ELFN1: variants seen among roughly 807,000 people sequenced by gnomAD.
ELFN1 encodes the protein protein ELFN1.
A neutral mutation model predicts 7.6 loss-of-function variants in ELFN1; 6 were observed. That is an observed-to-expected ratio of 0.79 (90% CI 0.43 to 1.56). The LOEUF (loss-of-function observed/expected upper bound fraction) is 1.56. Ranked by LOEUF, ELFN1 falls within the 40% of genes most tolerant of loss-of-function variation. The pLI, the probability that ELFN1 is intolerant of heterozygous loss-of-function variation, is 0.01. For missense variants in ELFN1, 1,169 were observed against 1,232.2 expected (o/e 0.95, Z 0.77); for synonymous variants, 657 against 588.1 (o/e 1.12, Z -1.70).
chr7:1,678,329 C>T (rs1778910808), intron 1 of ELFN1, among the ~76,000 whole-genome samples: 1 of 152,214 alleles, frequency 6.6e-6, no homozygotes. Context: ...GGCACCTGAG[C>T]CTCACACCCC....
intron 3 of ELFN1, among the ~76,000 whole-genome samples, chr7:1,736,478 G>A (rs1490146794): frequency 1.3e-5 from 2 of 152,212 alleles, no homozygotes; most frequent in Non-Finnish European, 1.5e-5. Flanking sequence ...AAATTCAGTC[G>A]TAAGAAGTTT....
chr7:1,697,035 T>G (rs1779330454), intron 2 of ELFN1, among the ~76,000 whole-genome samples: 1 of 151,966 alleles, frequency 6.6e-6, no homozygotes, highest in Admixed American at 6.5e-5. Context: ...CAGGCTGGGG[T>G]CCAAGGCCCA....
At chr7:1,726,973 T>G (rs1271666401) in intron 3 of ELFN1, among the ~76,000 whole-genome samples, 1 of 152,040 alleles carries the variant, frequency 6.6e-6, no homozygotes, top group Non-Finnish European at 1.5e-5. Context: ...CCAGGGTGGG[T>G]GGGCTACTTA....
At chr7:1,700,743 G>A (rs943335371) in intron 2 of ELFN1, among the ~76,000 whole-genome samples, 2 of 152,224 alleles carry the variant, frequency 1.3e-5, no homozygotes, top group Non-Finnish European at 2.9e-5. Flanking sequence ...AGTTCCCGTT[G>A]CTCCACATCC....
chr7:1,745,240 A>C lies in ELFN1; in HGVS notation c.644A>C (p.Tyr215Ser). Residue 215 changes from tyrosine to serine, a missense_variant, in exon 4 of 4, where the codon TAC becomes TCC. Coordinates refer to ENST00000424383, the MANE Select transcript of ELFN1 (RefSeq NM_001128636.4). ...GCCTTCACCAACGCCACACAGACGT[A>C]CGACCGCATGCAGTGCGAGTCGCCG... ...LAAFTNATQTYDRMQCESPPV... is the reference protein window; with the variant it reads ...LAAFTNATQTSDRMQCESPPV... 11 of 1,540,858 alleles carry C rather than the reference A, an allele frequency of 7.1e-6. No individual in the cohort carries two copies. The highest frequency in any genetic ancestry group is 9.6e-6 in the Non-Finnish European group (11 of 1,146,888).
rs544433844 is a variant in ELFN1, at chr7:1,744,414, C to A, written c.-183C>A. 2 of 643,624 alleles carry A rather than the reference C, an allele frequency of 3.1e-6. No individual in the cohort carries two copies. The highest frequency in any genetic ancestry group is 2.0e-5 in the African/African-American group (1 of 51,276). The allele number at this position is 643,624 out of a possible 1,614,324, so 39.9% of individuals were successfully genotyped here. ...GGGCGGAAGACGAGAGGCGGCCGGCCGTGAGGGAGGCGCCCTCCCTCCCCG... is the reference window on the plus strand; with the variant it reads ...GGGCGGAAGACGAGAGGCGGCCGGCAGTGAGGGAGGCGCCCTCCCTCCCCG... On this transcript the variant is annotated 5_prime_UTR_variant, in exon 4 of 4. Transcript: ENST00000424383.
intron 2 of ELFN1, among the ~76,000 whole-genome samples, chr7:1,696,494 CCAT>C (rs1171613963): frequency 1.3e-5 from 2 of 151,788 alleles, no homozygotes; most frequent in Non-Finnish European, 2.9e-5. Context: ...TGGGCTCAAG[CCAT>C]CCTCCCACCT....
chr7:1,741,999 C>T (rs191024774), intron 3 of ELFN1, among the ~76,000 whole-genome samples: 38 of 152,308 alleles, frequency 2.5e-4, no homozygotes, highest in African/African-American at 8.9e-4. Context: ...CACACACATA[C>T]GAGGGCTCAC....
chr7:1,675,786 C>T (rs548000828), intron 1 of ELFN1, among the ~76,000 whole-genome samples: 5 of 152,344 alleles, frequency 3.3e-5, no homozygotes, highest in South Asian at 2.1e-4. Flanking sequence ...CACAGTCCCG[C>T]GCTGTCGAGA....
intron 3 of ELFN1, among the ~76,000 whole-genome samples, chr7:1,738,189 T>C (rs1780504540): frequency 6.6e-6 from 1 of 152,098 alleles, no homozygotes; most frequent in African/African-American, 2.4e-5. Flanking sequence ...CGTGGTCCCA[T>C]GTCCCATGGC....
intron 3 of ELFN1, among the ~76,000 whole-genome samples, chr7:1,724,416 C>T (rs1431530267): frequency 6.6e-6 from 1 of 152,198 alleles, no homozygotes; most frequent in Non-Finnish European, 1.5e-5. Flanking sequence ...GCCGTGCGGC[C>T]CCACCTCCCT....
chr7:1,716,915 C>T (rs1034874651), intron 3 of ELFN1, among the ~76,000 whole-genome samples: 9 of 152,222 alleles, frequency 5.9e-5, no homozygotes, highest in East Asian at 1.9e-4. Context: ...CGCAGGCAGC[C>T]GGCATGGGGC....
chr7:1,669,633 G>A (rs1195149540), upstream of ELFN1, among the ~76,000 whole-genome samples: 1 of 152,248 alleles, frequency 6.6e-6, no homozygotes, highest in African/African-American at 2.4e-5. Context: ...GAGCCGAAGA[G>A]TGCTCCAGAA....
intron 3 of ELFN1, among the ~76,000 whole-genome samples, chr7:1,733,138 T>C (rs1454141558): frequency 6.6e-6 from 1 of 152,188 alleles, no homozygotes; most frequent in Admixed American, 6.5e-5. Flanking sequence ...TGGCCACAAG[T>C]GATCCACCCA....
intron 3 of ELFN1, among the ~76,000 whole-genome samples, chr7:1,724,185 C>A (rs1222314507): frequency 6.6e-6 from 1 of 152,210 alleles, no homozygotes; most frequent in Admixed American, 6.5e-5. Context: ...GAGTTTCTAG[C>A]ACAGTGCCTG....
At chr7:1,681,075 A>G (rs867764680) in intron 1 of ELFN1, among the ~76,000 whole-genome samples, 1 of 152,114 alleles carries the variant, frequency 6.6e-6, no homozygotes, top group Non-Finnish European at 1.5e-5. Context: ...TTTCACATCA[A>G]TGGGATCCTG....
At position 1,740,123 on chromosome 7, in the gene ELFN1, G is replaced by T. The variant is rs1780566910; in HGVS notation, c.-293-4181G>T. Among the ~76,000 whole-genome samples the T allele has an allele frequency of 6.6e-6, 1 of 152,186 alleles. No individual in the cohort carries two copies. The highest frequency in any genetic ancestry group is 1.9e-4 in the East Asian group (1 of 5,198). ...AGGATGGCATTGCAGAGGGCTGGAG[G>T]TATCAGACCTGAGGGGTGCCCATTC... is the stretch of plus-strand genomic sequence containing the variant. On this transcript the variant is annotated intron_variant, in intron 3 of 3. Coordinates refer to ENST00000424383, the MANE Select transcript of ELFN1 (RefSeq NM_001128636.4). This position sits in a 1 kb window ranked among gnomAD's most constrained non-coding sequence, Gnocchi z 5.0.
chr7:1,680,107 C>T (rs969628854), intron 1 of ELFN1, among the ~76,000 whole-genome samples: 1 of 152,212 alleles, frequency 6.6e-6, no homozygotes, highest in Non-Finnish European at 1.5e-5. Context: ...GGACATTCTC[C>T]GATGCTGGGC....
intron 1 of ELFN1, among the ~76,000 whole-genome samples, chr7:1,675,644 TG>T (rs760912018): frequency 6.6e-6 from 1 of 152,008 alleles, no homozygotes; most frequent in South Asian, 2.1e-4. Context: ...GGTCTGGAAA[TG>T]GGGGGGCCGT....
Sources: gnomAD v4.1 joint callset for allele counts (sites outside exome capture counted in the v4.1 genomes callset) on GRCh38, gnomAD v4.1.1 for gene constraint, Gnocchi (gnomAD v3.1) non-coding constraint, MANE v1.5 for transcripts, NCBI Gene and HGNC (gene_info 2026-07-23, HGNC 2026-07-21) for gene names.